Variants in RGS6 observed in about 807,000 individuals in gnomAD.
RGS6 encodes the protein regulator of G-protein signaling 6.
RGS6 carries 30 observed loss-of-function variants against 78.5 expected under a neutral mutation model. The observed-to-expected ratio is 0.38, with a 90% CI of 0.29 to 0.52. RGS6 has a LOEUF of 0.52. Ranked by LOEUF, RGS6 falls within the 20% of genes least tolerant of loss-of-function variation. The probability of loss-of-function intolerance (pLI) is 0.85; values close to 1 mark genes in which losing one functional copy is unlikely to be tolerated. For synonymous variants in RGS6, 206 were observed against 206.0 expected (o/e 1.00, Z 0.00); for missense variants, 495 against 609.7 (o/e 0.81, Z 1.98).
chr14:71,988,073 G>C lies in RGS6; in HGVS notation c.84+23198G>C, dbSNP rs143597499. Among the ~76,000 whole-genome samples the C allele has an allele frequency of 4.2e-4, 64 of 152,220 alleles. 1 individual carries two copies. Among genetic ancestry groups the C allele is most frequent in the African/African-American group, 1.5e-3 (63 of 41,534 alleles). ...TGTGACATATAGTGGCTGACAAAAGGCACACAAGTGATAGTGTTGGTGGCC... is the reference window on the plus strand; with the variant it reads ...TGTGACATATAGTGGCTGACAAAAGCCACACAAGTGATAGTGTTGGTGGCC... On this transcript the variant is annotated intron_variant, in intron 2 of 17. Coordinates refer to ENST00000553525, the MANE Select transcript of RGS6 (RefSeq NM_001204424.2).
intron 12 of RGS6, among the ~76,000 whole-genome samples, chr14:72,487,922 G>C (rs186159719): frequency 1.3e-4 from 20 of 152,202 alleles, no homozygotes; most frequent in African/African-American, 4.3e-4. Context: ...CATCCTCTTT[G>C]TCTTTAATAT....
At chr14:72,298,967 G>A (rs541195072) in intron 2 of RGS6, among the ~76,000 whole-genome samples, 1 of 152,240 alleles carries the variant, frequency 6.6e-6, no homozygotes, top group South Asian at 2.1e-4. Flanking sequence ...TTGACACAGG[G>A]CTATTCAATT....
chr14:72,153,278 C>T (rs939530201), intron 2 of RGS6, among the ~76,000 whole-genome samples: 1 of 152,202 alleles, frequency 6.6e-6, no homozygotes, highest in Non-Finnish European at 1.5e-5. Flanking sequence ...CGGGGCTGCT[C>T]AGCCTGACAG....
At chr14:72,237,243 A>C (rs1360635893) in intron 2 of RGS6, among the ~76,000 whole-genome samples, 1 of 152,138 alleles carries the variant, frequency 6.6e-6, no homozygotes. Context: ...TTTTAAATCT[A>C]TTTACTTATC....
At chr14:72,005,679 A>T (rs112318782) in intron 2 of RGS6, among the ~76,000 whole-genome samples, 1 of 152,146 alleles carries the variant, frequency 6.6e-6, no homozygotes, top group Non-Finnish European at 1.5e-5. Context: ...GACCTATTTT[A>T]TATCCATTCT....
chr14:72,501,820 C>A (rs2096730777), intron 13 of RGS6, among the ~76,000 whole-genome samples: 2 of 152,212 alleles, frequency 1.3e-5, no homozygotes, highest in African/African-American at 4.8e-5. Flanking sequence ...CAAAGAGCTA[C>A]AAGGAACCTG....
chr14:72,621,585 G>A, the RGS6 span, among the ~76,000 whole-genome samples: 2 of 152,176 alleles, frequency 1.3e-5, no homozygotes, highest in Admixed American at 6.5e-5. Context: ...CAACAGGGGA[G>A]TGATACGATC....
At chr14:72,381,179 G>A (rs1429289001) in intron 3 of RGS6, among the ~76,000 whole-genome samples, 4 of 152,006 alleles carry the variant, frequency 2.6e-5, no homozygotes, top group African/African-American at 9.7e-5. Context: ...TAGAGAGGGG[G>A]AGAGAGTTGT....
At chr14:72,090,622 A>G (rs2095237173) in intron 2 of RGS6, among the ~76,000 whole-genome samples, 1 of 152,246 alleles carries the variant, frequency 6.6e-6, no homozygotes, top group Non-Finnish European at 1.5e-5. Flanking sequence ...ATCGTATTCC[A>G]TAAAACCAGT....
At chr14:72,522,693 T>C (rs933276781) in intron 15 of RGS6, among the ~76,000 whole-genome samples, 4 of 152,204 alleles carry the variant, frequency 2.6e-5, no homozygotes, top group African/African-American at 9.7e-5. Flanking sequence ...TTTAGTTTTT[T>C]TCAGCCACTT....
intron 15 of RGS6, among the ~76,000 whole-genome samples, chr14:72,530,841 G>C (rs2097173192): frequency 6.6e-6 from 1 of 152,200 alleles, no homozygotes; most frequent in South Asian, 2.1e-4. Context: ...TTCTCCTTCT[G>C]TGCAGAGAGC....
intron 8 of RGS6, among the ~76,000 whole-genome samples, chr14:72,471,470 G>A (rs1229309155): frequency 1.3e-5 from 2 of 152,206 alleles, no homozygotes; most frequent in Admixed American, 1.3e-4. Context: ...ATGGGACTAT[G>A]TTTCCTCTGG....
intron 3 of RGS6, among the ~76,000 whole-genome samples, chr14:72,429,907 CA>C (rs1035251710): frequency 1.3e-5 from 2 of 152,192 alleles, no homozygotes; most frequent in African/African-American, 4.8e-5. Flanking sequence ...GATGGTTTTA[CA>C]AAGGGCTCTT....
intron 17 of RGS6, among the ~76,000 whole-genome samples, chr14:72,556,602 G>GTGTT (rs1351997173): frequency 3.0e-5 from 4 of 133,190 alleles, no homozygotes; most frequent in East Asian, 2.4e-4. Context: ...TCCATCCCCA[G>GTGTT]TGTTTACCAG....
chr14:71,990,229 C>T (rs762754474), intron 2 of RGS6, among the ~76,000 whole-genome samples: 7 of 152,308 alleles, frequency 4.6e-5, no homozygotes, highest in Non-Finnish European at 8.8e-5. Flanking sequence ...CTAGGCCCCA[C>T]CTTCTGACAC....
intron 3 of RGS6, among the ~76,000 whole-genome samples, chr14:72,387,801 T>TTTA (rs1213799853): frequency 6.6e-6 from 1 of 152,090 alleles, no homozygotes; most frequent in Admixed American, 6.5e-5. Flanking sequence ...ACAACAGGAA[T>TTTA]TTATTATCTC....
intron 2 of RGS6, among the ~76,000 whole-genome samples, chr14:72,201,464 T>C (rs1322575723): frequency 2.0e-5 from 3 of 152,208 alleles, no homozygotes; most frequent in Non-Finnish European, 4.4e-5. Context: ...TATATCCCCC[T>C]CATTGACTTC....
chr14:71,966,473 T>C (rs1002844945), intron 2 of RGS6, among the ~76,000 whole-genome samples: 2 of 152,220 alleles, frequency 1.3e-5, no homozygotes, highest in African/African-American at 4.8e-5. Flanking sequence ...ATTGAGTCAT[T>C]GTTACTTTCT....
At chr14:72,540,655 C>G in intron 17 of RGS6, 1 of 1,404,834 alleles carries the variant, frequency 7.1e-7, no homozygotes, top group Non-Finnish European at 9.5e-7. Flanking sequence ...TGTTAGTCGC[C>G]TCTGCATGAG....
Sources: allele counts gnomAD v4.1 joint callset (sites outside exome capture counted in the v4.1 genomes callset), GRCh38; gene constraint gnomAD v4.1.1; transcripts MANE v1.5; gene names NCBI Gene and HGNC (gene_info 2026-07-23, HGNC 2026-07-21).